The following MECOM variants were observed in gnomAD, a reference collection of about 807,000 sequenced individuals.
MECOM encodes MDS1 and EVI1 complex locus, also known as histone-lysine N-methyltransferase MECOM.
In MECOM, 13 loss-of-function variants were observed where a neutral mutation model predicts 116.3. The ratio of observed to expected loss-of-function variants is 0.11; its 90% CI spans 0.07 to 0.18. MECOM has a LOEUF of 0.18. MECOM is among the 10% of genes least tolerant of loss of function. The pLI is 1.00. For synonymous variants in MECOM, 528 were observed against 535.2 expected, an observed-to-expected ratio of 0.99 and a Z score of 0.19; for missense variants, 1,299 against 1,509.0, an observed-to-expected ratio of 0.86 and a Z score of 2.31.
chr3:169,444,693 G>A (rs938626326), intron 1 of MECOM, among the ~76,000 whole-genome samples: 1 of 152,132 alleles, frequency 6.6e-6, no homozygotes, highest in Admixed American at 6.6e-5. Context: ...GATACCCGAT[G>A]ACTTTGGAAC....
rs544931753 is a variant in MECOM at position 169,417,022 on chromosome 3, A to G, written c.38-35498T>C. ...AAAAACCCTAGAAGAAAACCTAGGC[A>G]TTACCATTCAGGACATAGGCGTGGG... On this transcript the variant is annotated intron_variant, in intron 1 of 16. Transcript: ENST00000651503. Among the ~76,000 whole-genome samples the G allele has an allele frequency of 1.5e-3, 233 of 152,202 alleles. 3 individuals are homozygous for G. Among genetic ancestry groups the G allele is most frequent in the African/African-American group, 5.1e-3 (212 of 41,546 alleles).
chr3:169,365,452 C>T (rs765075150), intron 2 of MECOM, among the ~76,000 whole-genome samples: 24 of 151,932 alleles, frequency 1.6e-4, no homozygotes, highest in Admixed American at 1.5e-3. Flanking sequence ...ACTGACTATC[C>T]GATACTCACA....
chr3:169,151,769 T>C (rs1409905784), intron 2 of MECOM, among the ~76,000 whole-genome samples: 3 of 152,184 alleles, frequency 2.0e-5, no homozygotes, highest in Non-Finnish European at 4.4e-5. Flanking sequence ...CTAACCTAAC[T>C]GACACAAAGA....
At chr3:169,270,594 G>C (rs1267541123) in intron 2 of MECOM, among the ~76,000 whole-genome samples, 1 of 151,984 alleles carries the variant, frequency 6.6e-6, no homozygotes, top group African/African-American at 2.4e-5. Context: ...AAATATTAAA[G>C]TGTTTACAAT....
intron 1 of MECOM, among the ~76,000 whole-genome samples, chr3:169,486,019 T>TATATATATACTATATATATAC: frequency 8.2e-6 from 1 of 122,184 alleles, no homozygotes; most frequent in African/African-American, 3.3e-5. Flanking sequence ...TATATATATG[T>TATATATATACTATATATATAC]ATATATAGTA....
At chr3:169,428,223 A>G (rs1449218231) in intron 1 of MECOM, among the ~76,000 whole-genome samples, 1 of 152,166 alleles carries the variant, frequency 6.6e-6, no homozygotes, top group Non-Finnish European at 1.5e-5. Context: ...AACAAAATAA[A>G]TGTCTGTTGT....
intron 1 of MECOM, among the ~76,000 whole-genome samples, chr3:169,423,375 T>C (rs752761556): frequency 2.0e-5 from 3 of 152,146 alleles, no homozygotes; most frequent in Admixed American, 1.3e-4. Flanking sequence ...AGTTCCTTTC[T>C]GTTAAAAAGT....
chr3:169,485,055 T>C (rs1751943575), intron 1 of MECOM, among the ~76,000 whole-genome samples: 1 of 152,154 alleles, frequency 6.6e-6, no homozygotes, highest in Non-Finnish European at 1.5e-5. Context: ...AGTGAAGTGG[T>C]ATGATATCGG....
intron 1 of MECOM, among the ~76,000 whole-genome samples, chr3:169,643,762 G>T (rs532064650): frequency 1.4e-4 from 21 of 152,256 alleles, no homozygotes; most frequent in South Asian, 4.1e-4. Context: ...TTAGAATACA[G>T]CTTCCTATTT....
intron 1 of MECOM, among the ~76,000 whole-genome samples, chr3:169,577,626 T>A (rs1283210115): frequency 6.6e-6 from 1 of 152,152 alleles, no homozygotes; most frequent in Non-Finnish European, 1.5e-5. Flanking sequence ...AATGAATGAA[T>A]GAATGATCCG....
chr3:169,419,133 T>C (rs1739267361), intron 1 of MECOM, among the ~76,000 whole-genome samples: 1 of 152,118 alleles, frequency 6.6e-6, no homozygotes, highest in Non-Finnish European at 1.5e-5. Context: ...CATGAGTGAA[T>C]GTCATTCATA....
chr3:169,513,662 C>G (rs1226871210), intron 1 of MECOM, among the ~76,000 whole-genome samples: 2 of 152,154 alleles, frequency 1.3e-5, no homozygotes, highest in Non-Finnish European at 2.9e-5. Flanking sequence ...TGAATTCTTT[C>G]CTTTAAAACC....
chr3:169,560,276 C>T (rs957049466), intron 1 of MECOM, among the ~76,000 whole-genome samples: 2 of 152,012 alleles, frequency 1.3e-5, no homozygotes, highest in African/African-American at 4.8e-5. Flanking sequence ...AAGAAAATGC[C>T]TGTAATGAAT....
At chr3:169,223,001 A>G (rs1290581866) in intron 2 of MECOM, among the ~76,000 whole-genome samples, 1 of 152,192 alleles carries the variant, frequency 6.6e-6, no homozygotes, top group Non-Finnish European at 1.5e-5. Flanking sequence ...CAGAAGAACC[A>G]TTCTGGACCT....
intron 1 of MECOM, among the ~76,000 whole-genome samples, chr3:169,536,162 A>G (rs929784541): frequency 3.3e-5 from 5 of 152,090 alleles, no homozygotes; most frequent in African/African-American, 1.2e-4. Flanking sequence ...ATTTCCTGAG[A>G]CAAACCAGAC....
intron 1 of MECOM, among the ~76,000 whole-genome samples, chr3:169,527,825 A>G (rs552301227): frequency 6.6e-6 from 1 of 152,180 alleles, no homozygotes; most frequent in Non-Finnish European, 1.5e-5. Flanking sequence ...GAGAGAAAGC[A>G]AGGAAAAAAC....
chr3:169,343,673 T>A (rs1249467628), intron 2 of MECOM, among the ~76,000 whole-genome samples: 1 of 152,216 alleles, frequency 6.6e-6, no homozygotes. Context: ...TCTTTATAAC[T>A]GTTTTCAAAA....
intron 1 of MECOM, among the ~76,000 whole-genome samples, chr3:169,490,390 G>A (rs1036887010): frequency 1.3e-5 from 2 of 152,094 alleles, no homozygotes; most frequent in Non-Finnish European, 2.9e-5. Flanking sequence ...AAACCCAAAC[G>A]AGATGCTAGA....
intron 1 of MECOM, among the ~76,000 whole-genome samples, chr3:169,382,872 A>AT (rs1435186325): frequency 1.2e-4 from 7 of 57,214 alleles, no homozygotes; most frequent in African/African-American, 3.1e-4. Flanking sequence ...AAATAAAAAA[A>AT]ATAAAAAAAG....
Sources: gnomAD v4.1 joint callset for allele counts (sites outside exome capture counted in the v4.1 genomes callset) on GRCh38, gnomAD v4.1.1 for gene constraint, MANE v1.5 for transcripts, NCBI Gene and HGNC (gene_info 2026-07-23, HGNC 2026-07-21) for gene names.